The following TM6SF2 variants were observed in gnomAD, a reference collection of about 807,000 sequenced individuals.
The protein encoded by TM6SF2 is transmembrane 6 superfamily member 2.
A neutral mutation model predicts 41.0 loss-of-function variants in TM6SF2; 29 were observed. The observed-to-expected ratio is 0.71, with a 90% confidence interval of 0.53 to 0.96. The LOEUF is 0.96. Among genes scored for constraint, TM6SF2 ranks in the 50% least tolerant of loss-of-function variants. The pLI is 0.00. For missense variants in TM6SF2, 475 were observed against 499.0 expected (o/e 0.95, Z 0.46); for synonymous variants, 200 against 209.1 (o/e 0.96, Z 0.37).
At position 19,270,331 on chromosome 19, in the gene TM6SF2, C is replaced by A. The variant is rs781681958; in HGVS notation, c.297+14G>T. 1.2e-6 allele frequency: 2 copies of A among 1,614,026 alleles called. No individual in the cohort carries two copies. The highest frequency in any genetic ancestry group is 1.3e-5 in the African/African-American group (1 of 75,062). ...GCAGTGCGGTAGGGGGCTCCCTGGT[C>A]GTCCCCCAAGTACCTCCTTGGTGTA... is the stretch of plus-strand genomic sequence containing the variant. On this transcript the variant is annotated intron_variant, in intron 3 of 9. Coordinates refer to ENST00000389363, the MANE Select transcript of TM6SF2 (RefSeq NM_001001524.3).
chr19:19,264,538 A>T lies in TM6SF2; in HGVS notation c.*126T>A. The T allele has an allele frequency of 1.2e-6, 1 of 811,146 alleles. No homozygotes were observed. The highest frequency in any genetic ancestry group is 1.7e-6 in the Non-Finnish European group (1 of 578,996). 50.2% of individuals were successfully genotyped at this position (811,146 alleles called of 1,614,324 possible). A position where few individuals can be genotyped will look rare whatever the true frequency, so the allele number is the denominator to read the frequency against. Reference sequence around the variant, plus strand: ...CCATCCCACCCACTGGACTGAAACTACCATAGCCAAGACTAAAGACACCCG... The same window carrying T: ...CCATCCCACCCACTGGACTGAAACTTCCATAGCCAAGACTAAAGACACCCG... On this transcript the variant is annotated 3_prime_UTR_variant, in exon 10 of 10. Coordinates refer to ENST00000389363, the MANE Select transcript of TM6SF2 (RefSeq NM_001001524.3).
At chr19:19,268,577 C>T (rs754524665) in intron 6 of TM6SF2, 53 bp downstream of exon 6, 9 of 1,512,494 alleles carry the variant, frequency 6.0e-6, no homozygotes, top group South Asian at 3.9e-5. Flanking sequence ...GCAACTGACA[C>T]GGGGAAAGTT....
In TM6SF2 at chr19:19,266,600, A is replaced by G. The variant is rs751717826; in HGVS notation, c.814T>C (p.Tyr272His). 3 of 1,613,436 alleles carry G rather than the reference A, an allele frequency of 1.9e-6. No homozygotes were observed. The highest frequency in any genetic ancestry group is 4.5e-5 in the East Asian group (2 of 44,856). The change falls in exon 9 of 10, where the codon TAC becomes CAC. Residue 272 changes from tyrosine to histidine, a missense_variant. Physicochemically the swap from Tyr to His is moderately conservative, Grantham distance 83. Coordinates refer to ENST00000389363, the MANE Select transcript of TM6SF2 (RefSeq NM_001001524.3). ...VAYPKVQMLM[Y>H]MFYVLPFCGL... ...CAGAAAGGCAGGACATAAAACATGT[A>G]CATCAGCATCTGCAGGGGCGGGAGG...
rs550069079 is a variant in TM6SF2, at chr19:19,272,730, A to T, written c.95+391T>A. ...GTGTGTGTGTGTGTGTGTGTGTGTG[A>T]GCAGGAGTCAGGTACCCGGGGCCTT... On this transcript the variant is annotated intron_variant, in intron 1 of 9. Transcript: ENST00000389363. Among the ~76,000 whole-genome samples, 286 of 74,738 alleles carry T rather than the reference A, an allele frequency of 3.8e-3. 1 individual carries two copies. The highest frequency in any genetic ancestry group is 0.01 in the African/African-American group (192 of 18,610). The allele number at this position is 74,738 out of a possible 152,430, so 49.0% of individuals were successfully genotyped here. A position where few individuals can be genotyped will look rare whatever the true frequency, so the allele number is the denominator to read the frequency against.
In TM6SF2 at chr19:19,266,721, G is replaced by A. The variant is rs554165408; in HGVS notation, c.805-112C>T. ...CTGAGGAAGGATCTGGATGGCCTCA[G>A]ACCCCACCCAGGCTCTCTGCAAAGT... On this transcript the variant is annotated intron_variant, in intron 8 of 9. Transcript: ENST00000389363. 67 of 1,335,918 alleles carry A rather than the reference G, an allele frequency of 5.0e-5. 1 individual carries two copies. In the South Asian group the frequency reaches 6.6e-4, roughly 13 times the overall value. 82.8% of individuals were successfully genotyped at this position (1,335,918 alleles called of 1,614,324 possible).
chr19:19,270,254 G>C lies in TM6SF2; in HGVS notation c.320C>G (p.Ala107Gly), dbSNP rs765539044. 6.8e-6 allele frequency: 11 copies of C among 1,614,116 alleles called. No homozygotes were observed. Among genetic ancestry groups the C allele is most frequent in the African/African-American group, 1.3e-5 (1 of 74,962 alleles). The change falls in exon 4 of 10, where the codon GCG becomes GGG. Residue 107 changes from alanine to glycine, a missense_variant. Coordinates refer to ENST00000389363, the MANE Select transcript of TM6SF2 (RefSeq NM_001001524.3). ...TKEGEPYLRT[A>G]HGVFICYWDG... ...CCAGTAGCAGATGAAGACTCCGTGC[G>C]CTGTGCGCAGGTATGGCTCTCCCTG...
chr19:19,271,027 T>G lies in TM6SF2; in HGVS notation c.194A>C (p.Tyr65Ser), dbSNP rs527605147. 146 of 1,613,224 alleles carry G rather than the reference T, an allele frequency of 9.1e-5. 2 individuals are homozygous for G. The South Asian group carries it at 1.5e-3, about 17-fold the overall frequency. ...SHGEVSYDPL[Y>S]AVFAVFAFTS... ...ACAGCTTCCCACTGACTCACCAGCA[T>G]AGAGTGGGTCATAGGAGACCTCGCC... The change falls in exon 2 of 10, where the codon TAT becomes TCT. Residue 65 changes from tyrosine to serine, a missense_variant. Physicochemically the swap from Tyr to Ser is moderately radical, Grantham distance 144. This residue lies in a region of TM6SF2 where 238 missense variants were observed against 228.6 expected (regional missense o/e 1.04). Transcript: ENST00000389363.
rs200095788 is a variant in TM6SF2 at position 19,266,574 on chromosome 19, G to A, written c.840C>T (p.Cys280=). 5.5e-5 allele frequency: 89 copies of A among 1,613,836 alleles called. No individual in the cohort carries two copies. Among genetic ancestry groups the A allele is most frequent in the South Asian group, 1.4e-4 (13 of 91,078 alleles). ...AGGTGAGAGCATAGGCAGCCAGGCC[G>A]CAGAAAGGCAGGACATAAAACATGT... ...LMYMFYVLPF[C]GLAAYALTFP... Residue 280 remains cysteine (C), a synonymous_variant, in exon 9 of 10, where the codon TGC becomes TGT. Transcript: ENST00000389363.
At chr19:19,270,572 GTCCCT>G in intron 2 of TM6SF2, 130 bp from the exon 3 acceptor site, 1 of 1,140,014 alleles carries the variant, frequency 8.8e-7, no homozygotes, top group African/African-American at 1.5e-5. Flanking sequence ...TCCAGGCCCA[GTCCCT>G]GCCCCAACCC....
chr19:19,272,209 T>G (rs2061026435), intron 1 of TM6SF2, among the ~76,000 whole-genome samples: 1 of 152,196 alleles, frequency 6.6e-6, no homozygotes, highest in Non-Finnish European at 1.5e-5. Flanking sequence ...TCCATCACTC[T>G]CCAGGCCCCT....
intron 1 of TM6SF2, 55 bp from the exon 2 acceptor site, chr19:19,271,180 C>T: frequency 1.4e-6 from 2 of 1,414,834 alleles, no homozygotes; most frequent in Admixed American, 1.7e-5. Flanking sequence ...AGGCATCGCC[C>T]CACTCTCCCT....
chr19:19,269,957 C>A, intron 4 of TM6SF2, 188 bp from the exon 5 acceptor site: 1 of 1,481,378 alleles, frequency 6.8e-7, no homozygotes, highest in Non-Finnish European at 9.0e-7. Flanking sequence ...ACAGAAGTGG[C>A]TGCCCAGGCA....
In TM6SF2 at chr19:19,273,265, C is replaced by T; in HGVS notation, c.-50G>A. On this transcript the variant is annotated 5_prime_UTR_variant, in exon 1 of 10. Coordinates refer to ENST00000389363, the MANE Select transcript of TM6SF2 (RefSeq NM_001001524.3). Reference sequence around the variant, plus strand: ...CAGCCCCGACGCGTTCTCCAGGGCGCTCGGCTCCTCGTTGGCGGCGAGTCC... The same window carrying T: ...CAGCCCCGACGCGTTCTCCAGGGCGTTCGGCTCCTCGTTGGCGGCGAGTCC... 1 of 1,278,694 alleles carries T rather than the reference C, an allele frequency of 7.8e-7. No individual in the cohort carries two copies. The allele number at this position is 1,278,694 out of a possible 1,614,324, so 79.2% of individuals were successfully genotyped here.
chr19:19,265,413 TCC>T (rs1165816738), intron 9 of TM6SF2, among the ~76,000 whole-genome samples: 1 of 115,838 alleles, frequency 8.6e-6, no homozygotes, highest in Admixed American at 8.2e-5. Context: ...TATCCATCCA[TCC>T]ATCTATCTAT....
Position 19,264,540 on chromosome 19 carries a change from C to T in TM6SF2, c.*124G>A. 1 of 839,038 alleles carries T rather than the reference C, an allele frequency of 1.2e-6. No individual in the cohort carries two copies. Among genetic ancestry groups the T allele is most frequent in the Non-Finnish European group, 1.7e-6 (1 of 603,580 alleles). 52.0% of individuals were successfully genotyped at this position (839,038 alleles called of 1,614,324 possible). On this transcript the variant is annotated 3_prime_UTR_variant, in exon 10 of 10. Transcript: ENST00000389363. ...ATCCCACCCACTGGACTGAAACTACCATAGCCAAGACTAAAGACACCCGGA... is the reference window on the plus strand; with the variant it reads ...ATCCCACCCACTGGACTGAAACTACTATAGCCAAGACTAAAGACACCCGGA...
rs10623726 is a variant in TM6SF2, at chr19:19,271,498, CTCTT to C, written c.96-377_96-374del. On this transcript the variant is annotated intron_variant, in intron 1 of 9. Coordinates refer to ENST00000389363, the MANE Select transcript of TM6SF2 (RefSeq NM_001001524.3). ...CCTGTTTCTTTTTCTCTTTTCTTTT[CTCTT>C]TCTTTCTTTTTTTCTTTTTCTTTCT... is the stretch of plus-strand genomic sequence containing the variant. Among the ~76,000 whole-genome samples, 15 of 151,328 alleles carry C rather than the reference CTCTT, an allele frequency of 9.9e-5. No individual in the cohort carries two copies. The South Asian group carries it at 1.9e-3, about 19-fold the overall frequency.
intron 1 of TM6SF2, 84 bp from the exon 2 acceptor site, chr19:19,271,209 C>A (rs2074305): frequency 0.021 from 22,610 of 1,078,634 alleles, 876 homozygotes; most frequent in South Asian, 0.11. Flanking sequence ...AAGGGGCAGA[C>A]TCCTGGAAGC....
chr19:19,268,831 C>T, intron 5 of TM6SF2, 77 bp from the exon 6 acceptor site: 1 of 1,482,424 alleles, frequency 6.7e-7, no homozygotes, highest in Non-Finnish European at 8.9e-7. Flanking sequence ...TGTTCTGAGA[C>T]AGAGTCTTGC....
At chr19:19,270,062 C>A (rs766591574) in intron 4 of TM6SF2, 111 bp downstream of exon 4, 2 of 1,551,564 alleles carry the variant, frequency 1.3e-6, no homozygotes, top group South Asian at 1.2e-5. Flanking sequence ...CCTAGAGAGG[C>A]GTCCTGATTT....
Sources: allele counts gnomAD v4.1 joint callset (sites outside exome capture counted in the v4.1 genomes callset), GRCh38; gene constraint gnomAD v4.1.1; regional missense constraint gnomAD v4.1.1; transcripts MANE v1.5; gene names NCBI Gene and HGNC (gene_info 2026-07-23, HGNC 2026-07-21).